Variants in DYNC2H1 observed in about 807,000 individuals in gnomAD.
DYNC2H1 encodes dynein cytoplasmic 2 heavy chain 1.
DYNC2H1 carries 410 observed loss-of-function variants against 570.0 expected under a neutral mutation model. That is an observed-to-expected ratio of 0.72 (90% CI 0.66 to 0.78). The LOEUF is 0.78. DYNC2H1 is among the 30% of genes least tolerant of loss of function. DYNC2H1 has a pLI of 0.00. For synonymous variants in DYNC2H1, 1,688 were observed against 1,677.6 expected (o/e 1.01, Z -0.15); for missense variants, 4,865 against 5,046.4 (o/e 0.96, Z 1.09).
At chr11:103,366,196 T>A (rs931418491) in intron 83 of DYNC2H1, among the ~76,000 whole-genome samples, 1 of 152,136 alleles carries the variant, frequency 6.6e-6, no homozygotes, top group Non-Finnish European at 1.5e-5. Context: ...AATGTAAGAG[T>A]CACTTTTCAT....
chr11:103,166,647 C>G (rs577884816), intron 31 of DYNC2H1, among the ~76,000 whole-genome samples: 62 of 152,258 alleles, frequency 4.1e-4, no homozygotes, highest in African/African-American at 1.4e-3. Context: ...TGTTCTACTT[C>G]CATCTGAGCT....
At chr11:103,150,653 G>A (rs895227890) in intron 20 of DYNC2H1, among the ~76,000 whole-genome samples, 12 of 152,162 alleles carry the variant, frequency 7.9e-5, no homozygotes, top group African/African-American at 2.7e-4. Context: ...TTCTATCTAT[G>A]ATACTTAAGC....
chr11:103,208,137 G>T (rs985070581), intron 52 of DYNC2H1, among the ~76,000 whole-genome samples: 9 of 152,078 alleles, frequency 5.9e-5, no homozygotes, highest in African/African-American at 2.2e-4. Flanking sequence ...GACTGTGTAG[G>T]TGAGTGGCTG....
At chr11:103,304,072 T>C (rs1565479254) in intron 76 of DYNC2H1, among the ~76,000 whole-genome samples, 1 of 152,258 alleles carries the variant, frequency 6.6e-6, no homozygotes, top group East Asian at 1.9e-4. Flanking sequence ...AAATGAAATG[T>C]ATTAATTCAC....
In DYNC2H1 at chr11:103,245,342, A is replaced by T. The variant is rs763134103; in HGVS notation, c.10010A>T (p.Tyr3337Phe). 4.4e-6 allele frequency: 7 copies of T among 1,584,854 alleles called. No individual in the cohort carries two copies. The African/African-American group carries it at 8.1e-5, about 18-fold the overall frequency. Residue 3337 changes from tyrosine to phenylalanine, a missense_variant, in exon 65 of 89, where the codon TAT (tyrosine) becomes TTT (phenylalanine). Coordinates refer to ENST00000375735, the MANE Select transcript of DYNC2H1 (RefSeq NM_001377.3). The surrounding 1 kb of genome is among the most constrained non-coding windows in gnomAD (Gnocchi z 4.5). ...QEMDGVEPVL[Y>F]PLLRRDLVAQ... ...ATGGATGGTGTAGAACCTGTTCTTT[A>T]TCCATTATTGAGACGAGATCTGGTT...
In DYNC2H1 at chr11:103,145,361, A is replaced by G. The variant is rs942096007; in HGVS notation, c.2702+1966A>G. 2.0e-5 allele frequency among the ~76,000 whole-genome samples: 3 copies of G among 152,158 alleles called. No homozygotes were observed. Among genetic ancestry groups the G allele is most frequent in the African/African-American group, 7.2e-5 (3 of 41,450 alleles). Reference sequence around the variant, plus strand: ...AGGACCATTAATATTAGTTTAAAGTAAGGAAAAGATAGTGCTTTTGTAGTG... The same window carrying G: ...AGGACCATTAATATTAGTTTAAAGTGAGGAAAAGATAGTGCTTTTGTAGTG... On this transcript the variant is annotated intron_variant, in intron 18 of 88. Coordinates refer to ENST00000375735, the MANE Select transcript of DYNC2H1 (RefSeq NM_001377.3). This position sits in a 1 kb window ranked among gnomAD's most constrained non-coding sequence, Gnocchi z 4.2.
At chr11:103,248,749 A>G (rs923716034) in intron 65 of DYNC2H1, among the ~76,000 whole-genome samples, 2 of 152,034 alleles carry the variant, frequency 1.3e-5, no homozygotes, top group African/African-American at 4.8e-5. Context: ...ATTTGGGTAT[A>G]CCTTATAGGT....
intron 84 of DYNC2H1, chr11:103,406,189 C>T (rs888800285): frequency 1.3e-5 from 2 of 151,874 alleles, no homozygotes; most frequent in African/African-American, 2.4e-5. Context: ...TTTGAAGGCT[C>T]TTGGTCTTAT....
intron 48 of DYNC2H1, among the ~76,000 whole-genome samples, chr11:103,198,603 A>G (rs182496860): frequency 6.4e-4 from 97 of 152,326 alleles, no homozygotes; most frequent in African/African-American, 2.1e-3. Context: ...TAATATTTAT[A>G]TTGAATGTTA....
intron 83 of DYNC2H1, among the ~76,000 whole-genome samples, chr11:103,367,997 T>C (rs1012655416): frequency 3.3e-5 from 5 of 152,170 alleles, no homozygotes; most frequent in African/African-American, 1.2e-4. Context: ...ATATATACCA[T>C]GTTTTCTTTA....
chr11:103,172,502 A>G (rs1281507800), intron 34 of DYNC2H1, among the ~76,000 whole-genome samples: 1 of 151,754 alleles, frequency 6.6e-6, no homozygotes, highest in African/African-American at 2.4e-5. Flanking sequence ...TGGTTTTTCT[A>G]CTCTAGATGC....
At chr11:103,460,305 AT>A (rs1424627845) in intron 87 of DYNC2H1, among the ~76,000 whole-genome samples, 5 of 134,098 alleles carry the variant, frequency 3.7e-5, no homozygotes, top group African/African-American at 1.6e-4. Flanking sequence ...CATGCATGTA[AT>A]TATAGCATCA....
At chr11:103,459,330 A>AAG (rs1565617810) in intron 87 of DYNC2H1, among the ~76,000 whole-genome samples, 1 of 145,024 alleles carries the variant, frequency 6.9e-6, no homozygotes, top group African/African-American at 2.7e-5. Flanking sequence ...AAAAAAAAAA[A>AAG]AAAGGAAATT....
intron 69 of DYNC2H1, 135 bp downstream of exon 69, chr11:103,257,886 T>C (rs1429496473): frequency 2.1e-6 from 2 of 965,092 alleles, no homozygotes; most frequent in African/African-American, 1.7e-5. Flanking sequence ...TGTAACACTT[T>C]TAAGCTATAT....
intron 82 of DYNC2H1, among the ~76,000 whole-genome samples, chr11:103,337,534 C>A (rs80195318): frequency 1.3e-3 from 198 of 152,274 alleles, no homozygotes; most frequent in African/African-American, 4.7e-3. Flanking sequence ...CCACATCCTC[C>A]GTAGCATCCA....
At chr11:103,135,460 A>C (rs1859487341) in intron 15 of DYNC2H1, 35 bp from the exon 16 acceptor site, 5 of 1,442,680 alleles carry the variant, frequency 3.5e-6, no homozygotes, top group Non-Finnish European at 4.6e-6. Context: ...CTACTGCCTA[A>C]TTTTTAAATT....
At chr11:103,142,022 A>C (rs1020555844) in intron 17 of DYNC2H1, among the ~76,000 whole-genome samples, 1 of 152,212 alleles carries the variant, frequency 6.6e-6, no homozygotes, top group East Asian at 1.9e-4. Flanking sequence ...CATGTGCAGG[A>C]TATAATCTCC....
intron 82 of DYNC2H1, among the ~76,000 whole-genome samples, chr11:103,331,605 G>A (rs1374077228): frequency 6.6e-6 from 1 of 151,938 alleles, no homozygotes; most frequent in African/African-American, 2.4e-5. Context: ...TACTGCTCTG[G>A]ACAAAATGTT....
chr11:103,394,380 C>T lies in DYNC2H1; in HGVS notation c.12157-5283C>T, dbSNP rs755341337. ...CACAATACAGTATAACAACTACTTA[C>T]GTAATGCTTACTTACATTGTATTAG... On this transcript the variant is annotated intron_variant, in intron 83 of 88. Transcript: ENST00000375735. 2.0e-4 allele frequency among the ~76,000 whole-genome samples: 31 copies of T among 152,144 alleles called. 1 individual carries two copies. The highest frequency in any genetic ancestry group is 1.5e-3 in the South Asian group (7 of 4,826).
Sources: gnomAD v4.1 joint callset for allele counts (sites outside exome capture counted in the v4.1 genomes callset) on GRCh38, gnomAD v4.1.1 for gene constraint, Gnocchi (gnomAD v3.1) non-coding constraint, MANE v1.5 for transcripts, NCBI Gene and HGNC (gene_info 2026-07-23, HGNC 2026-07-21) for gene names.